Variants in BRD4 observed in about 807,000 individuals in gnomAD.
BRD4 encodes the protein bromodomain-containing protein 4.
Under a neutral mutation model 142.1 loss-of-function variants are expected in BRD4, and 16 were observed. The observed-to-expected ratio is 0.11, with a 90% CI of 0.08 to 0.17. BRD4 has a LOEUF of 0.17. Ranked by LOEUF, BRD4 falls within the 10% of genes least tolerant of loss-of-function variation. The pLI is 1.00. For synonymous variants in BRD4, 833 were observed against 707.5 expected (o/e 1.18, Z -2.82); for missense variants, 1,424 against 1,810.9 (o/e 0.79, Z 3.88).
intron 1 of BRD4, among the ~76,000 whole-genome samples, chr19:15,300,222 C>A (rs1354440852): frequency 3.3e-5 from 5 of 152,074 alleles, no homozygotes; most frequent in Admixed American, 1.3e-4. Flanking sequence ...GCTGCCTGGG[C>A]GACAGAGCAA....
intron 1 of BRD4, chr19:15,331,794 G>A (rs1427978699): frequency 1.3e-5 from 2 of 149,922 alleles, no homozygotes; most frequent in Non-Finnish European, 3.0e-5. Context: ...CCGCGGACCG[G>A]GACAGCTGCG....
chr19:15,329,042 G>A (rs1235928344), intron 1 of BRD4, among the ~76,000 whole-genome samples: 1 of 151,668 alleles, frequency 6.6e-6, no homozygotes. Context: ...CAAAGTGCTG[G>A]GATCACAGGC....
In BRD4 at chr19:15,253,642, G is replaced by C. The variant is rs149982995; in HGVS notation, c.2158+510C>G. ...CCAGGTGATGGCAGGGCCAGCAGCAGACTGGCGATGCGGCTGGCCAGCTGC... is the reference window on the plus strand; with the variant it reads ...CCAGGTGATGGCAGGGCCAGCAGCACACTGGCGATGCGGCTGGCCAGCTGC... On this transcript the variant is annotated intron_variant, in intron 11 of 19. Transcript: ENST00000679869. 8,125 of 1,597,656 alleles carry C rather than the reference G, an allele frequency of 5.1e-3. 29 individuals are homozygous for C. Among genetic ancestry groups the C allele is most frequent in the Non-Finnish European group, 6.3e-3 (7,441 of 1,179,558 alleles).
intron 1 of BRD4, among the ~76,000 whole-genome samples, chr19:15,290,833 G>C (rs2047776313): frequency 6.6e-6 from 1 of 152,106 alleles, no homozygotes; most frequent in African/African-American, 2.4e-5. Context: ...AGTTGGTTTT[G>C]CTATCTCTAG....
chr19:15,268,966 T>C lies in BRD4; in HGVS notation c.362A>G (p.Asn121Ser). 2 of 1,614,152 alleles carry C rather than the reference T, an allele frequency of 1.2e-6. No homozygotes were observed. The highest frequency in any genetic ancestry group is 1.1e-5 in the South Asian group (1 of 91,086). ...KKRLENNYYW[N>S]AQECIQDFNT... ...GAAGTCCTGGATACATTCCTGAGCA[T>C]TCCAGTAATAGTTGTTTTCCAAGCG... is the stretch of plus-strand genomic sequence containing the variant. Residue 121 changes from asparagine (N) to serine (S), a missense_variant, in exon 3 of 20, where the codon AAT becomes AGT. Physicochemically the swap from Asn to Ser is conservative, Grantham distance 46 (BLOSUM62 1). This residue lies in a region of BRD4 where 55 missense variants were observed against 160.7 expected (regional missense o/e 0.34). Transcript: ENST00000679869.
At position 15,265,532 on chromosome 19, in the gene BRD4, G is replaced by A. The variant is rs773021615; in HGVS notation, c.671C>T (p.Pro224Leu). ...GAGGTCCGGGGTGACGGCAGGGAAG[G>A]GGTGAGGCGTGGCCTGCACAGGAGG... ...NPPPVQATPH[P>L]FPAVTPDLIV... is the part of the protein sequence containing the mutation. Residue 224 changes from proline (P) to leucine (L), a missense_variant, in exon 5 of 20, where the codon CCC becomes CTC. Transcript: ENST00000679869. 6 of 1,614,078 alleles carry A rather than the reference G, an allele frequency of 3.7e-6. No homozygotes were observed. The highest frequency in any genetic ancestry group is 5.1e-6 in the Non-Finnish European group (6 of 1,180,002).
chr19:15,293,724 T>C (rs2047801952), intron 1 of BRD4, among the ~76,000 whole-genome samples: 1 of 152,228 alleles, frequency 6.6e-6, no homozygotes, highest in East Asian at 1.9e-4. Flanking sequence ...TTTAAGTACA[T>C]TTACACTGTT....
chr19:15,264,801 G>C, intron 5 of BRD4, 35 bp from the exon 6 acceptor site: 1 of 1,568,244 alleles, frequency 6.4e-7, no homozygotes, highest in Non-Finnish European at 8.7e-7. Flanking sequence ...GGCACAGTCA[G>C]AAGTGGCAGC....
At chr19:15,306,106 C>A (rs2047911494) in intron 1 of BRD4, among the ~76,000 whole-genome samples, 1 of 152,218 alleles carries the variant, frequency 6.6e-6, no homozygotes, top group South Asian at 2.1e-4. Flanking sequence ...TCTATCCAGA[C>A]CACTACAACT....
intron 1 of BRD4, among the ~76,000 whole-genome samples, chr19:15,330,659 C>A (rs1175672952): frequency 6.6e-6 from 1 of 151,894 alleles, no homozygotes; most frequent in Non-Finnish European, 1.5e-5. Context: ...CCCAGCTACT[C>A]GAGAGGCTGA....
rs369084953 is a variant in BRD4 at position 15,305,653 on chromosome 19, C to A, written c.-35+26637G>T. 9.9e-4 allele frequency among the ~76,000 whole-genome samples: 150 copies of A among 152,274 alleles called. 4 individuals are homozygous for A. In the South Asian group the frequency reaches 0.03, roughly 31 times the overall value. ...AGCATAATTTAGATTTACCATAATTCTTAAGGTCCTTGGATATTCAGAATG... is the reference window on the plus strand; with the variant it reads ...AGCATAATTTAGATTTACCATAATTATTAAGGTCCTTGGATATTCAGAATG... On this transcript the variant is annotated intron_variant, in intron 1 of 19. Transcript: ENST00000679869.
At chr19:15,297,186 TTACATTAGCCCTCAGC>T (rs1471029827) in intron 1 of BRD4, among the ~76,000 whole-genome samples, 1 of 152,186 alleles carries the variant, frequency 6.6e-6, no homozygotes, top group African/African-American at 2.4e-5. Context: ...TAGCCCTCAG[TTACATTAGCCCTCAGC>T]TACATTCTTA....
At chr19:15,262,532 AAAAAAAAAAAG>A (rs1436444262) in intron 7 of BRD4, among the ~76,000 whole-genome samples, 251 of 142,214 alleles carry the variant, frequency 1.8e-3, no homozygotes, top group African/African-American at 6.2e-3. Flanking sequence ...TTTAAAAAAA[AAAAAAAAAAAG>A]AAAAAAAAAA....
chr19:15,290,096 G>C (rs2047770777), intron 1 of BRD4, among the ~76,000 whole-genome samples: 1 of 152,122 alleles, frequency 6.6e-6, no homozygotes, highest in African/African-American at 2.4e-5. Context: ...GGCATATGAA[G>C]CCCTAATGAC....
intron 1 of BRD4, among the ~76,000 whole-genome samples, chr19:15,320,168 C>T (rs996476017): frequency 6.6e-6 from 1 of 152,108 alleles, no homozygotes; most frequent in African/African-American, 2.4e-5. Context: ...CAGGGTCAGT[C>T]CCATTCTTAG....
In BRD4 at chr19:15,265,504, G is replaced by A. The variant is rs141035305; in HGVS notation, c.699C>T (p.Ile233=). 3.8e-5 allele frequency: 61 copies of A among 1,613,610 alleles called. No individual in the cohort carries two copies. In the East Asian group the frequency reaches 1.3e-3, roughly 34 times the overall value. The change falls in exon 5 of 20, where the codon ATC becomes ATT. Residue 233 remains isoleucine (I), a synonymous_variant. Transcript: ENST00000679869. ...CCACTGTCATGACAGGGGTCTGGAC[G>A]ATGAGGTCCGGGGTGACGGCAGGGA... ...HPFPAVTPDL[I]VQTPVMTVVP...
At chr19:15,309,971 C>T (rs987413295) in intron 1 of BRD4, among the ~76,000 whole-genome samples, 2 of 152,150 alleles carry the variant, frequency 1.3e-5, no homozygotes, top group Non-Finnish European at 2.9e-5. Flanking sequence ...TCTCTGTCTG[C>T]TCAAGAGTTG....
At chr19:15,276,798 G>A (rs1039883635) in intron 1 of BRD4, among the ~76,000 whole-genome samples, 4 of 152,186 alleles carry the variant, frequency 2.6e-5, no homozygotes, top group Admixed American at 2.0e-4. Context: ...CTTGCCCTAG[G>A]ACTCAGCGGT....
intron 1 of BRD4, among the ~76,000 whole-genome samples, chr19:15,305,897 T>A (rs1415673616): frequency 6.6e-6 from 1 of 152,266 alleles, no homozygotes; most frequent in Non-Finnish European, 1.5e-5. Flanking sequence ...AGTTTTTCCA[T>A]CAGCACTTGC....
Sources: allele counts gnomAD v4.1 joint callset (sites outside exome capture counted in the v4.1 genomes callset), GRCh38; gene constraint gnomAD v4.1.1; regional missense constraint gnomAD v4.1.1; transcripts MANE v1.5; gene names NCBI Gene and HGNC (gene_info 2026-07-23, HGNC 2026-07-21).